Variants in ARHGEF7 observed in about 807,000 individuals in gnomAD.
ARHGEF7 encodes Rho guanine nucleotide exchange factor 7, also known as PAK-interacting exchange factor beta.
In ARHGEF7, 33 loss-of-function variants were observed where a neutral mutation model predicts 109.8. The observed-to-expected ratio is 0.30, with a 90% confidence interval of 0.23 to 0.40. ARHGEF7 has a LOEUF of 0.40. Among genes scored for constraint, ARHGEF7 ranks in the 10% least tolerant of loss-of-function variants. ARHGEF7 has a pLI of 1.00. For missense variants in ARHGEF7, 938 were observed against 1,098.5 expected, an observed-to-expected ratio of 0.85 and a Z score of 2.07; for synonymous variants, 458 against 424.6, an observed-to-expected ratio of 1.08 and a Z score of -0.97.
At chr13:111,158,035 A>T (rs2076472661) in intron 2 of ARHGEF7, among the ~76,000 whole-genome samples, 1 of 152,230 alleles carries the variant, frequency 6.6e-6, no homozygotes. Context: ...ATAAGATTCC[A>T]GTTAATTGAT....
chr13:111,221,423 ATC>A (rs370526913), intron 5 of ARHGEF7, among the ~76,000 whole-genome samples: 2 of 11,238 alleles, frequency 1.8e-4, no homozygotes, highest in East Asian at 5.8e-3. Flanking sequence ...ATGTCTATAT[ATC>A]TATATATAGA....
intron 1 of ARHGEF7, among the ~76,000 whole-genome samples, chr13:111,133,793 ATATATATATATATATAT>A (rs2074932827): frequency 9.6e-6 from 1 of 104,142 alleles, no homozygotes; most frequent in East Asian, 3.8e-4. Context: ...ATATATATAT[ATATATATATATATATAT>A]ATATTTATTA....
At chr13:111,225,328 C>A (rs912348527) in intron 5 of ARHGEF7, among the ~76,000 whole-genome samples, 1 of 152,082 alleles carries the variant, frequency 6.6e-6, no homozygotes, top group Non-Finnish European at 1.5e-5. Flanking sequence ...AGCCAGTAGA[C>A]GGAAGAGCTC....
At chr13:111,260,852 T>C (rs886834318) in intron 8 of ARHGEF7, among the ~76,000 whole-genome samples, 2 of 152,184 alleles carry the variant, frequency 1.3e-5, no homozygotes, top group African/African-American at 2.4e-5. Flanking sequence ...AGGACAAAGT[T>C]AAAGTGTAGA....
chr13:111,242,829 T>C (rs1355367841), intron 6 of ARHGEF7, among the ~76,000 whole-genome samples: 2 of 152,236 alleles, frequency 1.3e-5, no homozygotes, highest in Non-Finnish European at 2.9e-5. Flanking sequence ...AGCCCCTTGC[T>C]CGGTGCCAGG....
chr13:111,135,017 T>A (rs1159264449), intron 1 of ARHGEF7, among the ~76,000 whole-genome samples: 1 of 152,280 alleles, frequency 6.6e-6, no homozygotes, highest in Non-Finnish European at 1.5e-5. Flanking sequence ...TTTCCACATA[T>A]GGCTAGCCAG....
At chr13:111,195,264 A>G (rs2153452032) in intron 2 of ARHGEF7, among the ~76,000 whole-genome samples, 1 of 152,272 alleles carries the variant, frequency 6.6e-6, no homozygotes, top group East Asian at 1.9e-4. Context: ...CAAGTAGGGG[A>G]CAACAAATGG....
At chr13:111,277,307 G>C (rs74126780) in intron 12 of ARHGEF7, among the ~76,000 whole-genome samples, 1,534 of 152,282 alleles carry the variant, frequency 0.01, 21 homozygotes, top group African/African-American at 0.036. Flanking sequence ...CTTTTAATCA[G>C]TCCGTTTACT....
intron 15 of ARHGEF7, 66 bp from the exon 16 acceptor site, chr13:111,283,073 G>A (rs1270563116): frequency 3.3e-6 from 5 of 1,512,096 alleles, no homozygotes; most frequent in East Asian, 2.5e-5. Context: ...TGCGTGATAA[G>A]TGCCCTTTCG....
At chr13:111,270,213 A>T (rs973829482) in intron 9 of ARHGEF7, among the ~76,000 whole-genome samples, 2 of 152,136 alleles carry the variant, frequency 1.3e-5, no homozygotes, top group East Asian at 3.9e-4. Flanking sequence ...TTTGAAAATG[A>T]TTTTTTTCCC....
intron 5 of ARHGEF7, among the ~76,000 whole-genome samples, chr13:111,220,263 G>A (rs1364215168): frequency 6.6e-6 from 1 of 152,202 alleles, no homozygotes; most frequent in Non-Finnish European, 1.5e-5. Context: ...GCTCACCTTT[G>A]CCAAGGAGAG....
At chr13:111,294,293 C>CTGA in intron 19 of ARHGEF7, 1 of 985,474 alleles carries the variant, frequency 1.0e-6, no homozygotes, top group African/African-American at 1.7e-5. Flanking sequence ...TGCCTCGAGA[C>CTGA]TACTCATTAG....
intron 12 of ARHGEF7, among the ~76,000 whole-genome samples, chr13:111,277,235 G>C (rs1361682951): frequency 6.6e-6 from 1 of 152,158 alleles, no homozygotes; most frequent in African/African-American, 2.4e-5. Context: ...TAATCACAGA[G>C]CTGAACTCTT....
chr13:111,193,507 G>A (rs1389307787), intron 2 of ARHGEF7, among the ~76,000 whole-genome samples: 1 of 152,244 alleles, frequency 6.6e-6, no homozygotes, highest in Non-Finnish European at 1.5e-5. Flanking sequence ...TTTAATGGGG[G>A]TTCCCTCAGA....
chr13:111,292,815 C>T (rs1173337274), intron 19 of ARHGEF7: 12 of 993,046 alleles, frequency 1.2e-5, no homozygotes, highest in Non-Finnish European at 1.4e-5. Context: ...ATATATGCAG[C>T]AAAGGTGCTG....
intron 11 of ARHGEF7, among the ~76,000 whole-genome samples, chr13:111,275,109 TTG>T (rs1284001215): frequency 6.6e-6 from 1 of 152,222 alleles, no homozygotes; most frequent in Non-Finnish European, 1.5e-5. Context: ...TTCTCTGCTG[TTG>T]TGTTGTCTTA....
chr13:111,151,362 G>A (rs147852796), intron 1 of ARHGEF7, among the ~76,000 whole-genome samples: 92 of 152,332 alleles, frequency 6.0e-4, no homozygotes, highest in African/African-American at 1.9e-3. Flanking sequence ...CTTTTGAAAC[G>A]TGCCAGCCAG....
chr13:111,193,558 T>A (rs1399032038), intron 2 of ARHGEF7, among the ~76,000 whole-genome samples: 1 of 152,248 alleles, frequency 6.6e-6, no homozygotes, highest in Admixed American at 6.5e-5. Flanking sequence ...AGCATGGGCA[T>A]GTAGGATTAG....
At chr13:111,233,368 G>A in intron 6 of ARHGEF7, 75 bp downstream of exon 6, 1 of 1,127,060 alleles carries the variant, frequency 8.9e-7, no homozygotes, top group Non-Finnish European at 1.4e-6. Context: ...AGAATGTAGT[G>A]TAAAGTACCT....
Sources: gnomAD v4.1 joint callset for allele counts (sites outside exome capture counted in the v4.1 genomes callset) on GRCh38, gnomAD v4.1.1 for gene constraint, MANE v1.5 for transcripts, NCBI Gene and HGNC (gene_info 2026-07-23, HGNC 2026-07-21) for gene names.